SH3GL1: variants seen among roughly 807,000 people sequenced by gnomAD.
SH3GL1 encodes endophilin-A2.
A neutral mutation model predicts 48.8 loss-of-function variants in SH3GL1; 21 were observed. The observed-to-expected ratio is 0.43, with a 90% CI of 0.30 to 0.62. The LOEUF (loss-of-function observed/expected upper bound fraction) is 0.62. Ranked by LOEUF, SH3GL1 falls within the 20% of genes least tolerant of loss-of-function variation. SH3GL1 has a pLI of 0.11. For missense variants in SH3GL1, 454 were observed against 503.0 expected (o/e 0.90, Z 0.93); for synonymous variants, 282 against 217.5 (o/e 1.30, Z -2.61).
rs376375671 is a variant in SH3GL1 at position 4,368,846 on chromosome 19, C to T, written c.46-1852G>A. ...CAGCACTTTGGGAGGCTGAGGCAGG[C>T]GGATCATGAGGTCAGGAGATCGAGA... On this transcript the variant is annotated intron_variant, in intron 1 of 9. Transcript: ENST00000269886. Among the ~76,000 whole-genome samples the T allele has an allele frequency of 3.7e-4, 57 of 152,180 alleles. No homozygotes were observed. In the South Asian group the frequency reaches 5.4e-3, roughly 14 times the overall value.
chr19:4,376,505 C>T lies in SH3GL1; in HGVS notation c.46-9511G>A, dbSNP rs1412895686. On this transcript the variant is annotated intron_variant, in intron 1 of 9. Coordinates refer to ENST00000269886, the MANE Select transcript of SH3GL1 (RefSeq NM_003025.4). This position sits in a 1 kb window ranked among gnomAD's most constrained non-coding sequence, Gnocchi z 4.3. The stretch of plus-strand genomic sequence containing the variant: ...ACCTCAGACCTCAGAGAAGCCTCCT[C>T]CCACAGGAAGCTCTCCTGATTGATC... Among the ~76,000 whole-genome samples the T allele has an allele frequency of 6.6e-6, 1 of 152,106 alleles. No individual in the cohort carries two copies. The highest frequency in any genetic ancestry group is 1.5e-5 in the Non-Finnish European group (1 of 68,004).
In SH3GL1 at chr19:4,362,040, C is replaced by T. The variant is rs138078259; in HGVS notation, c.911-244G>A. ...ACTCCTGGGAAGTGCTGGGGACACC[C>T]GGTGCTGCTGCGGTGACAGGGAGTG... On this transcript the variant is annotated intron_variant, in intron 9 of 9. Transcript: ENST00000269886. Among the ~76,000 whole-genome samples, 180 of 152,318 alleles carry T rather than the reference C, an allele frequency of 1.2e-3. 1 individual carries two copies. The highest frequency in any genetic ancestry group is 4.2e-3 in the African/African-American group (174 of 41,576).
chr19:4,383,773 G>C (rs957275473), intron 1 of SH3GL1, among the ~76,000 whole-genome samples: 1 of 152,196 alleles, frequency 6.6e-6, no homozygotes, highest in African/African-American at 2.4e-5. Flanking sequence ...CTAAAAGCCT[G>C]CAAATCCATG....
Position 4,367,882 on chromosome 19 carries a change from G to A in SH3GL1, c.46-888C>T, listed in dbSNP as rs1972816753. On this transcript the variant is annotated intron_variant, in intron 1 of 9. Transcript: ENST00000269886. The surrounding 1 kb of genome is among the most constrained non-coding windows in gnomAD (Gnocchi z 4.2). ...TGTGTGCCTGGCGCCAAGGGATGCC[G>A]CACAGAGTGAGGATGGACAGTGTGA... 6.6e-6 allele frequency among the ~76,000 whole-genome samples: 1 copy of A among 151,946 alleles called. No homozygotes were observed.
At chr19:4,388,682 G>A (rs1009813443) in intron 1 of SH3GL1, among the ~76,000 whole-genome samples, 23 of 152,324 alleles carry the variant, frequency 1.5e-4, no homozygotes, top group Non-Finnish European at 2.9e-4. Flanking sequence ...TCAAGCCAGG[G>A]AACCACCAAC....
At chr19:4,390,730 T>G (rs1973322172) in intron 1 of SH3GL1, 1 of 152,076 alleles carries the variant, frequency 6.6e-6, no homozygotes, top group Admixed American at 6.6e-5. Context: ...CCTGTTGAGC[T>G]CCTGACACCT....
Position 4,389,943 on chromosome 19 carries a change from G to A in SH3GL1, c.45+10381C>T, listed in dbSNP as rs1973305507. The A allele has an allele frequency of 6.6e-6, 1 of 152,368 alleles. No individual in the cohort carries two copies. The highest frequency in any genetic ancestry group is 6.5e-5 in the Admixed American group (1 of 15,290). The allele number at this position is 152,368 out of a possible 1,614,324, so 9.4% of individuals were successfully genotyped here. A position where few individuals can be genotyped will look rare whatever the true frequency, so the allele number is the denominator to read the frequency against. Reference sequence around the variant, plus strand: ...AGGGGAGTGGGCCCACTCACCCCATGCCCTCGCAGGCCTGATGCCATCTGG... The same window carrying A: ...AGGGGAGTGGGCCCACTCACCCCATACCCTCGCAGGCCTGATGCCATCTGG... On this transcript the variant is annotated intron_variant, in intron 1 of 9. Transcript: ENST00000269886. This position sits in a 1 kb window ranked among gnomAD's most constrained non-coding sequence, Gnocchi z 4.5.
chr19:4,399,993 A>C (rs1237094078), intron 1 of SH3GL1, among the ~76,000 whole-genome samples: 2 of 152,136 alleles, frequency 1.3e-5, no homozygotes, highest in Admixed American at 1.3e-4. Flanking sequence ...CTGTGTCGAC[A>C]GCCTCGGGAC....
At chr19:4,384,513 C>G (rs184439891) in intron 1 of SH3GL1, among the ~76,000 whole-genome samples, 3 of 152,290 alleles carry the variant, frequency 2.0e-5, no homozygotes, top group South Asian at 4.1e-4. Flanking sequence ...GGCAGGGTCT[C>G]GCTATATTGC....
Position 4,363,455 on chromosome 19 carries a change from G to C in SH3GL1, c.643C>G (p.Leu215Val), listed in dbSNP as rs1474793700. ...AGCTGTGCATCCACCAGGGCCGAGAGCTGACTCACCTGCTCGATCTGTGGG... is the reference window on the plus strand; with the variant it reads ...AGCTGTGCATCCACCAGGGCCGAGACCTGACTCACCTGCTCGATCTGTGGG... The part of the protein sequence containing the change: ...LETDIEQVSQ[L>V]SALVDAQLDY... The change falls in exon 7 of 10, where the codon CTC becomes GTC. Residue 215 changes from leucine (L) to valine (V), a missense_variant. Transcript: ENST00000269886. The C allele has an allele frequency of 1.2e-6, 2 of 1,612,612 alleles. No individual in the cohort carries two copies. Among genetic ancestry groups the C allele is most frequent in the Non-Finnish European group, 1.7e-6 (2 of 1,179,684 alleles).
In SH3GL1 at chr19:4,363,769, T is replaced by C. The variant is rs1972693120; in HGVS notation, c.575A>G (p.Glu192Gly). The C allele has an allele frequency of 6.2e-7, 1 of 1,613,770 alleles. No homozygotes were observed. Among genetic ancestry groups the C allele is most frequent in the Admixed American group, 1.7e-5 (1 of 60,010 alleles). Residue 192 changes from glutamate to glycine, a missense_variant, in exon 6 of 10, where the codon GAG becomes GGG. Physicochemically the swap from Glu to Gly is moderately conservative, Grantham distance 98. Around this residue, in one of 2 missense-constraint regions of SH3GL1, gnomAD observed 176 missense variants for 256.2 expected, o/e 0.69. Coordinates refer to ENST00000269886, the MANE Select transcript of SH3GL1 (RefSeq NM_003025.4). ...ELRQALEKFE[E>G]SKEVAETSMH... Reference sequence around the variant, plus strand: ...GCTGGTTTCTGCCACCTCCTTGGACTCCTCGAACTTCTCCAGCGCCTGGCG... The same window carrying C: ...GCTGGTTTCTGCCACCTCCTTGGACCCCTCGAACTTCTCCAGCGCCTGGCG...
chr19:4,391,222 T>C (rs243408), intron 1 of SH3GL1, among the ~76,000 whole-genome samples: 149,431 of 152,234 alleles, frequency 0.98, 73,355 homozygotes, highest in Non-Finnish European at 0.98. Flanking sequence ...TGGCCAGGGG[T>C]GGGGTGAGCA....
intron 1 of SH3GL1, among the ~76,000 whole-genome samples, chr19:4,392,720 G>A (rs888269845): frequency 6.6e-6 from 1 of 152,288 alleles, no homozygotes; most frequent in East Asian, 1.9e-4. Context: ...GCCAAGGCGG[G>A]CGGATCACCT....
intron 1 of SH3GL1, among the ~76,000 whole-genome samples, chr19:4,370,054 G>C (rs779597424): frequency 2.0e-5 from 3 of 152,224 alleles, no homozygotes; most frequent in Non-Finnish European, 2.9e-5. Flanking sequence ...TGCTGAGCAC[G>C]GAGGGGACCG....
At chr19:4,396,505 G>GTT (rs1973427811) in intron 1 of SH3GL1, among the ~76,000 whole-genome samples, 1 of 150,640 alleles carries the variant, frequency 6.6e-6, no homozygotes, top group African/African-American at 2.4e-5. Context: ...TTTTTTTTGA[G>GTT]ACGAAGTCTC....
intron 1 of SH3GL1, among the ~76,000 whole-genome samples, chr19:4,384,238 G>A (rs1973192352): frequency 2.0e-5 from 3 of 152,184 alleles, no homozygotes; most frequent in Admixed American, 1.3e-4. Flanking sequence ...TGATGGCGCA[G>A]GAGCCCCCCA....
At chr19:4,371,419 C>T (rs1432395938) in intron 1 of SH3GL1, among the ~76,000 whole-genome samples, 2 of 152,258 alleles carry the variant, frequency 1.3e-5, no homozygotes, top group Non-Finnish European at 2.9e-5. Context: ...GTGGAGCTGG[C>T]TGCTGCCGAT....
At chr19:4,381,190 C>T (rs866869036) in intron 1 of SH3GL1, among the ~76,000 whole-genome samples, 2 of 134,732 alleles carry the variant, frequency 1.5e-5, no homozygotes, top group South Asian at 2.8e-4. Context: ...CCCCCTGCCT[C>T]TCTCTCCCAT....
intron 4 of SH3GL1, among the ~76,000 whole-genome samples, chr19:4,364,916 A>ATATATATATATATT (rs1450528018): frequency 8.6e-6 from 1 of 116,212 alleles, no homozygotes. Context: ...ATATATATAT[A>ATATATATATATATT]TTTTTTTTTT....
Sources: allele counts gnomAD v4.1 joint callset (sites outside exome capture counted in the v4.1 genomes callset), GRCh38; gene constraint gnomAD v4.1.1; regional missense constraint gnomAD v4.1.1; non-coding constraint Gnocchi (gnomAD v3.1); transcripts MANE v1.5; gene names NCBI Gene and HGNC (gene_info 2026-07-23, HGNC 2026-07-21).